Variants in COL23A1 observed in about 807,000 individuals in gnomAD.
COL23A1 encodes collagen type XXIII alpha 1 chain.
COL23A1 carries 97 observed loss-of-function variants against 99.3 expected under a neutral mutation model. The observed-to-expected ratio is 0.98, with a 90% CI of 0.83 to 1.16. The LOEUF is 1.16. Among genes scored for constraint, COL23A1 ranks in the 50% most tolerant of loss-of-function variants. The probability of loss-of-function intolerance (pLI) is 0.00; values close to 1 mark genes in which losing one functional copy is unlikely to be tolerated. For synonymous variants in COL23A1, 320 were observed against 308.2 expected (o/e 1.04, Z -0.40); for missense variants, 762 against 757.4 (o/e 1.01, Z -0.07).
chr5:178,413,211 G>A (rs1765138138), intron 2 of COL23A1, among the ~76,000 whole-genome samples: 1 of 152,166 alleles, frequency 6.6e-6, no homozygotes, highest in East Asian at 1.9e-4. Context: ...TGTAGGCACA[G>A]TTCCACTGTC....
At chr5:178,357,853 GTA>G (rs1467540117) in intron 2 of COL23A1, among the ~76,000 whole-genome samples, 1 of 149,376 alleles carries the variant, frequency 6.7e-6, no homozygotes, top group South Asian at 2.2e-4. Flanking sequence ...TGTCTAATGT[GTA>G]TGTGTATGTA....
At chr5:178,429,506 C>T (rs1287546403) in intron 2 of COL23A1, among the ~76,000 whole-genome samples, 1 of 152,234 alleles carries the variant, frequency 6.6e-6, no homozygotes, top group Non-Finnish European at 1.5e-5. Context: ...GCTGCAGTGT[C>T]GCATGCTTAC....
At chr5:178,482,471 G>A (rs1172860220) in intron 2 of COL23A1, among the ~76,000 whole-genome samples, 5 of 152,180 alleles carry the variant, frequency 3.3e-5, no homozygotes, top group Admixed American at 6.5e-5. Context: ...GGGAATTATC[G>A]TTTAATGGGT....
chr5:178,541,782 T>C (rs1190863888), intron 2 of COL23A1, among the ~76,000 whole-genome samples: 1 of 152,178 alleles, frequency 6.6e-6, no homozygotes, highest in Admixed American at 6.5e-5. Context: ...CTCAACTGCA[T>C]GCAGCAACAT....
At chr5:178,523,973 C>G (rs1449201676) in intron 2 of COL23A1, among the ~76,000 whole-genome samples, 87 of 152,190 alleles carry the variant, frequency 5.7e-4, no homozygotes, top group Admixed American at 5.6e-3. Context: ...TGATCTCTGA[C>G]AAGGACTTCA....
chr5:178,372,626 G>T (rs1303726992), intron 2 of COL23A1, among the ~76,000 whole-genome samples: 1 of 152,118 alleles, frequency 6.6e-6, no homozygotes, highest in Non-Finnish European at 1.5e-5. Context: ...AGGCTGGAGT[G>T]CAGTGGTGAG....
At chr5:178,546,793 G>A (rs1761606174) in intron 2 of COL23A1, among the ~76,000 whole-genome samples, 1 of 152,202 alleles carries the variant, frequency 6.6e-6, no homozygotes, top group Admixed American at 6.5e-5. Flanking sequence ...AGGACAGAAG[G>A]CAGCCTGAGG....
At chr5:178,560,820 A>G in intron 1 of COL23A1, 72 bp from the exon 2 acceptor site, 2 of 1,445,756 alleles carry the variant, frequency 1.4e-6, no homozygotes, top group Non-Finnish European at 1.9e-6. Context: ...GTAAAAGTGG[A>G]AACATCAGCA....
At chr5:178,579,503 G>C (rs767288605) in intron 1 of COL23A1, among the ~76,000 whole-genome samples, 15 of 152,190 alleles carry the variant, frequency 9.9e-5, no homozygotes, top group African/African-American at 3.6e-4. Context: ...GCCCAGGATA[G>C]AGTGTGGTGG....
intron 2 of COL23A1, among the ~76,000 whole-genome samples, chr5:178,540,559 G>A (rs567368261): frequency 2.6e-5 from 4 of 152,244 alleles, no homozygotes; most frequent in Admixed American, 6.5e-5. Context: ...TTCATGAATC[G>A]GAGGCCTGAA....
At chr5:178,458,146 G>A (rs11748000) in intron 2 of COL23A1, among the ~76,000 whole-genome samples, 135,079 of 151,570 alleles carry the variant, frequency 0.89, 60,423 homozygotes, top group East Asian at 1. Context: ...TTGGGTGTCA[G>A]TAGAAATAAC....
chr5:178,555,446 T>C lies in COL23A1; in HGVS notation c.361+5236A>G, dbSNP rs572127329. Among the ~76,000 whole-genome samples the C allele has an allele frequency of 1.8e-4, 28 of 152,196 alleles. No individual in the cohort carries two copies. The South Asian group carries it at 3.7e-3, about 20-fold the overall frequency. ...ATACTGGCGGCCACCTTCCCAAGCA[T>C]AGGTCACTCCAGCAGAGGCTGTCTG... On this transcript the variant is annotated intron_variant, in intron 2 of 28. Coordinates refer to ENST00000390654, the MANE Select transcript of COL23A1 (RefSeq NM_173465.4).
chr5:178,533,871 C>T (rs489777), intron 2 of COL23A1, among the ~76,000 whole-genome samples: 18,559 of 152,160 alleles, frequency 0.12, 1,309 homozygotes, highest in African/African-American at 0.21. Context: ...TTGTATCATT[C>T]GTCTATTGAA....
chr5:178,500,995 A>G (rs1383680579), intron 2 of COL23A1, among the ~76,000 whole-genome samples: 1 of 152,240 alleles, frequency 6.6e-6, no homozygotes, highest in Non-Finnish European at 1.5e-5. Context: ...TTCACAATAC[A>G]TAAAGAACTC....
intron 25 of COL23A1, among the ~76,000 whole-genome samples, chr5:178,245,541 TCCATCCATTCAC>T (rs1199891958): frequency 5.2e-5 from 4 of 76,280 alleles, no homozygotes; most frequent in Non-Finnish European, 1.0e-4. Flanking sequence ...CCATCACCCA[TCCATCCATTCAC>T]CCATCCATCC....
intron 2 of COL23A1, among the ~76,000 whole-genome samples, chr5:178,455,557 A>G (rs1767733514): frequency 6.6e-6 from 1 of 152,202 alleles, no homozygotes; most frequent in Non-Finnish European, 1.5e-5. Flanking sequence ...GGGAAGCACC[A>G]TCCACCCAGC....
intron 12 of COL23A1, 117 bp downstream of exon 12, chr5:178,259,604 G>C (rs903512154): frequency 3.9e-6 from 4 of 1,033,600 alleles, no homozygotes; most frequent in Admixed American, 2.4e-5. Context: ...CTTCCCTGTG[G>C]GTTGGCTCCC....
At chr5:178,272,808 A>C (rs1581500243) in intron 5 of COL23A1, among the ~76,000 whole-genome samples, 2 of 146,030 alleles carry the variant, frequency 1.4e-5, no homozygotes. Context: ...AGGCATCCCC[A>C]CCTTGGACCC....
chr5:178,252,710 G>T, intron 16 of COL23A1, 113 bp from the exon 17 acceptor site: 1 of 900,646 alleles, frequency 1.1e-6, no homozygotes. Context: ...CAGAGCAGGG[G>T]CAGGGTCCTT....
Sources: allele counts gnomAD v4.1 joint callset (sites outside exome capture counted in the v4.1 genomes callset), GRCh38; gene constraint gnomAD v4.1.1; transcripts MANE v1.5; gene names NCBI Gene and HGNC (gene_info 2026-07-23, HGNC 2026-07-21).